ANKRD12: variants seen among roughly 807,000 people sequenced by gnomAD.
ANKRD12 encodes the protein ankyrin repeat domain-containing protein 12.
Under a neutral mutation model 183.4 loss-of-function variants are expected in ANKRD12, and 85 were observed. The ratio of observed to expected loss-of-function variants is 0.46; its 90% CI spans 0.39 to 0.56. The LOEUF is 0.56. Among genes scored for constraint, ANKRD12 ranks in the 20% least tolerant of loss-of-function variants. The pLI, the probability that ANKRD12 is intolerant of heterozygous loss-of-function variation, is 0.00. For synonymous variants in ANKRD12, 914 were observed against 800.2 expected (o/e 1.14, Z -2.40); for missense variants, 2,405 against 2,357.1 (o/e 1.02, Z -0.42).
At chr18:9,229,758 T>C (rs1158983615) in intron 8 of ANKRD12, among the ~76,000 whole-genome samples, 1 of 152,190 alleles carries the variant, frequency 6.6e-6, no homozygotes, top group Non-Finnish European at 1.5e-5. Context: ...TCTGTTTATG[T>C]GATGTATGAC....
intron 3 of ANKRD12, among the ~76,000 whole-genome samples, chr18:9,201,710 C>G (rs1367026001): frequency 1.3e-5 from 2 of 152,054 alleles, no homozygotes; most frequent in South Asian, 4.1e-4. Context: ...AGTCCTTTGT[C>G]ATTTTAGTTT....
intron 10 of ANKRD12, among the ~76,000 whole-genome samples, chr18:9,264,461 A>C (rs926980105): frequency 6.6e-6 from 1 of 152,218 alleles, no homozygotes; most frequent in Non-Finnish European, 1.5e-5. Context: ...TCACAGAAAT[A>C]TATACATACT....
At position 9,257,948 on chromosome 18, in the gene ANKRD12, G is replaced by T; in HGVS notation, c.4681G>T (p.Val1561Phe). 1 of 1,613,916 alleles carries T rather than the reference G, an allele frequency of 6.2e-7. No individual in the cohort carries two copies. The highest frequency in any genetic ancestry group is 8.5e-7 in the Non-Finnish European group (1 of 1,179,954). Residue 1561 changes from valine (V) to phenylalanine (F), a missense_variant, in exon 9 of 13, where the codon GTC (valine) becomes TTC (phenylalanine). By Grantham distance (50) the Val-to-Phe change is conservative. Around this residue, in one of 7 missense-constraint regions of ANKRD12, gnomAD observed 1,983 missense variants for 1,725.9 expected, o/e 1.15. Coordinates refer to ENST00000262126, the MANE Select transcript of ANKRD12 (RefSeq NM_015208.5). ...LGDVQKTDAFVPVYSDSTIQE... is the reference protein window; with the variant it reads ...LGDVQKTDAFFPVYSDSTIQE... ...AGATGTTCAAAAAACAGATGCCTTTGTCCCAGTGTACTCTGACAGCACTAT... is the reference window on the plus strand; with the variant it reads ...AGATGTTCAAAAAACAGATGCCTTTTTCCCAGTGTACTCTGACAGCACTAT...
chr18:9,213,417 T>A (rs1200059568), intron 6 of ANKRD12, among the ~76,000 whole-genome samples: 1 of 151,952 alleles, frequency 6.6e-6, no homozygotes, highest in Non-Finnish European at 1.5e-5. Flanking sequence ...TAATCATGGA[T>A]GTACATGAAG....
chr18:9,250,596 G>A (rs935383018), intron 8 of ANKRD12, among the ~76,000 whole-genome samples: 4 of 152,056 alleles, frequency 2.6e-5, no homozygotes, highest in African/African-American at 4.8e-5. Context: ...GCGCACACCC[G>A]TAGTTCTAGC....
intron 2 of ANKRD12, 29 bp downstream of exon 2, chr18:9,182,548 C>G: frequency 7.0e-7 from 1 of 1,433,032 alleles, no homozygotes; most frequent in Non-Finnish European, 9.5e-7. Context: ...GATTTGTTGA[C>G]TTTTTGAACT....
Position 9,257,299 on chromosome 18 carries a change from T to G in ANKRD12, c.4032T>G (p.Pro1344=), listed in dbSNP as rs143133914. ...SLLTVPGDTS[P]SPKPEVFSNV... is the part of the protein sequence containing the mutation. ...TAACTGTGCCAGGAGATACTAGTCC[T>G]TCTCCCAAACCTGAGGTATTCTCAA... Residue 1344 remains proline (P), a synonymous_variant, in exon 9 of 13, where the codon CCT becomes CCG. Transcript: ENST00000262126. 2.6e-4 allele frequency: 420 copies of G among 1,614,124 alleles called. 4 individuals carry two copies. The Middle Eastern group carries it at 4.5e-3, about 17-fold the overall frequency.
Position 9,280,597 on chromosome 18 carries a change from C to T in ANKRD12, c.6004-344C>T, listed in dbSNP as rs141309438. On this transcript the variant is annotated intron_variant, in intron 12 of 12. Coordinates refer to ENST00000262126, the MANE Select transcript of ANKRD12 (RefSeq NM_015208.5). Reference sequence around the variant, plus strand: ...TGAGGTCAGGAGTTCAAAACCAGCCCGGCCGACATGGTGAAACCCCATCTC... The same window carrying T: ...TGAGGTCAGGAGTTCAAAACCAGCCTGGCCGACATGGTGAAACCCCATCTC... Among the ~76,000 whole-genome samples, 981 of 152,130 alleles carry T rather than the reference C, an allele frequency of 6.4e-3. 11 individuals carry two copies. Among genetic ancestry groups the T allele is most frequent in the African/African-American group, 0.022 (895 of 41,512 alleles).
chr18:9,209,180 A>G (rs1261618498), intron 5 of ANKRD12, among the ~76,000 whole-genome samples: 1 of 152,228 alleles, frequency 6.6e-6, no homozygotes, highest in East Asian at 1.9e-4. Flanking sequence ...TTCTCCAAAA[A>G]TAATTGATGA....
intron 12 of ANKRD12, 115 bp from the exon 13 acceptor site, chr18:9,280,826 C>T: frequency 2.2e-6 from 2 of 906,202 alleles, no homozygotes; most frequent in Non-Finnish European, 3.4e-6. Flanking sequence ...AATTCAAATG[C>T]TTTTTATGCT....
chr18:9,167,449 AT>A (rs2032197936), intron 1 of ANKRD12, among the ~76,000 whole-genome samples: 1 of 152,006 alleles, frequency 6.6e-6, no homozygotes, highest in African/African-American at 2.4e-5. Context: ...TGTAAGTTGG[AT>A]TCCTAGGTAT....
chr18:9,236,137 C>T (rs1323016483), intron 8 of ANKRD12, among the ~76,000 whole-genome samples: 1 of 151,786 alleles, frequency 6.6e-6, no homozygotes, highest in Non-Finnish European at 1.5e-5. Flanking sequence ...GAAGAGGAGA[C>T]AGGGAAAGTG....
At chr18:9,207,702 CTTAT>C (rs1179233586) in intron 4 of ANKRD12, among the ~76,000 whole-genome samples, 6 of 151,030 alleles carry the variant, frequency 4.0e-5, no homozygotes, top group Non-Finnish European at 8.9e-5. Flanking sequence ...CTTTATTTTA[CTTAT>C]TTATTTTTGC....
chr18:9,142,340 T>A (rs977804951), intron 1 of ANKRD12, among the ~76,000 whole-genome samples: 1 of 152,222 alleles, frequency 6.6e-6, no homozygotes, highest in African/African-American at 2.4e-5. Flanking sequence ...ACAAGGATTG[T>A]CAGCTAATCT....
chr18:9,232,270 A>G (rs909436786), intron 8 of ANKRD12, among the ~76,000 whole-genome samples: 2 of 152,140 alleles, frequency 1.3e-5, no homozygotes, highest in Admixed American at 1.3e-4. Context: ...TTTCACTGCC[A>G]GGTTTAGGAC....
chr18:9,235,168 C>T (rs1388407261), intron 8 of ANKRD12, among the ~76,000 whole-genome samples: 1 of 152,108 alleles, frequency 6.6e-6, no homozygotes, highest in African/African-American at 2.4e-5. Flanking sequence ...ATTAATTCAT[C>T]ATCATAAGAG....
At chr18:9,241,766 A>G (rs1174141091) in intron 8 of ANKRD12, among the ~76,000 whole-genome samples, 1 of 152,156 alleles carries the variant, frequency 6.6e-6, no homozygotes, top group Non-Finnish European at 1.5e-5. Flanking sequence ...TTAGTTTTTT[A>G]AACTTTTTAA....
In ANKRD12 at chr18:9,258,654, T is replaced by G. The variant is rs974024690; in HGVS notation, c.5387T>G (p.Val1796Gly). The stretch of plus-strand genomic sequence containing the variant: ...AAAGTGTCACGTGTACCTCAGCCTG[T>G]GCAAGTGAGTCCCTCTTTACTACAA... ...KRKVSRVPQP[V>G]QVSPSLLQAK... is the part of the protein sequence containing the mutation. The change falls in exon 9 of 13, where the codon GTG (valine) becomes GGG (glycine). Residue 1796 changes from valine (V) to glycine (G), a missense_variant. Val to Gly is a moderately radical substitution (Grantham distance 109, BLOSUM62 -3). Coordinates refer to ENST00000262126, the MANE Select transcript of ANKRD12 (RefSeq NM_015208.5). 1.9e-6 allele frequency: 3 copies of G among 1,613,818 alleles called. No homozygotes were observed. The African/African-American group carries it at 4.0e-5, about 22-fold the overall frequency.
intron 9 of ANKRD12, among the ~76,000 whole-genome samples, chr18:9,259,142 A>G (rs17498969): frequency 0.064 from 9,717 of 152,302 alleles, 337 homozygotes; most frequent in Non-Finnish European, 0.079. Flanking sequence ...TAGCCGAAAT[A>G]ATATGTAGTG....
Sources: gnomAD v4.1 joint callset for allele counts (sites outside exome capture counted in the v4.1 genomes callset) on GRCh38, gnomAD v4.1.1 for gene constraint, gnomAD v4.1.1 regional missense constraint, MANE v1.5 for transcripts, NCBI Gene and HGNC (gene_info 2026-07-23, HGNC 2026-07-21) for gene names.